MIEF1: variants seen among roughly 807,000 people sequenced by gnomAD.
The protein encoded by MIEF1 is mitochondrial elongation factor 1, also known as mitochondrial dynamics protein MIEF1.
MIEF1 carries 14 observed loss-of-function variants against 35.1 expected under a neutral mutation model. The observed-to-expected ratio is 0.40, with a 90% CI of 0.26 to 0.62. The LOEUF (loss-of-function observed/expected upper bound fraction) is 0.62. Ranked by LOEUF, MIEF1 falls within the 20% of genes least tolerant of loss-of-function variation. The pLI is 0.43. For missense variants in MIEF1, 542 were observed against 615.4 expected (o/e 0.88, Z 1.26); for synonymous variants, 245 against 254.3 (o/e 0.96, Z 0.35).
rs1252208875 is a variant in MIEF1 at position 39,512,385 on chromosome 22, A to G, written c.476A>G (p.Gln159Arg). Residue 159 changes from glutamine (Q) to arginine (R), a missense_variant, in exon 5 of 6, where the codon CAA (glutamine) becomes CGA (arginine). Coordinates refer to ENST00000325301, the MANE Select transcript of MIEF1 (RefSeq NM_019008.6). ...IPAGEQARAK[Q>R]AAVDICAELR... ...GCTGGAGAGCAGGCTCGGGCCAAGC[A>G]AGCTGCTGTGGACATATGTGCCGAG... is the stretch of plus-strand genomic sequence containing the variant. 3 of 1,614,114 alleles carry G rather than the reference A, an allele frequency of 1.9e-6. No individual in the cohort carries two copies. In the African/African-American group the frequency reaches 4.0e-5, roughly 22 times the overall value.
At position 39,504,365 on chromosome 22, in the gene MIEF1, AGAGGACGCTGAGGCCCGGGAGAGGC is replaced by A. The variant is rs918835270; in HGVS notation, c.-176_-152del. On this transcript the variant is annotated 5_prime_UTR_variant, in exon 2 of 6. The change abolishes the stop of an existing upstream ORF in the 5' untranslated region. Coordinates refer to ENST00000325301, the MANE Select transcript of MIEF1 (RefSeq NM_019008.6). Reference sequence around the variant, plus strand: ...GTGAATTCCGAAAAAATCAGAAGCTAGAGGACGCTGAGGCCCGGGAGAGGCAGCTGGAGAAGGGCCTGGTCTTTCT... The same window carrying A: ...GTGAATTCCGAAAAAATCAGAAGCTAAGCTGGAGAAGGGCCTGGTCTTTCT... 2.8e-5 allele frequency: 11 copies of A among 398,952 alleles called. No homozygotes were observed. Among genetic ancestry groups the A allele is most frequent in the African/African-American group, 2.3e-4 (11 of 48,608 alleles). 24.7% of individuals were successfully genotyped at this position (398,952 alleles called of 1,614,324 possible). A position where few individuals can be genotyped will look rare whatever the true frequency, so the allele number is the denominator to read the frequency against.
At chr22:39,505,153 C>T (rs1929951759) in intron 2 of MIEF1, among the ~76,000 whole-genome samples, 1 of 152,020 alleles carries the variant, frequency 6.6e-6, no homozygotes, top group South Asian at 2.1e-4. Context: ...AAGATCGCGC[C>T]ACTGCACTCC....
chr22:39,515,517 CCTG>C lies in MIEF1; in HGVS notation c.*1195_*1197del, dbSNP rs1230791883. On this transcript the variant is annotated 3_prime_UTR_variant, in exon 6 of 6. Coordinates refer to ENST00000325301, the MANE Select transcript of MIEF1 (RefSeq NM_019008.6). ...GCATGCACGGACCTCTTCCCCCTGT[CCTG>C]TTTCTCACCCAGCACCTGGGGAGAT... The C allele has an allele frequency of 1.7e-6, 1 of 604,884 alleles. No homozygotes were observed. 37.5% of individuals were successfully genotyped at this position (604,884 alleles called of 1,614,324 possible). A position where few individuals can be genotyped will look rare whatever the true frequency, so the allele number is the denominator to read the frequency against.
In MIEF1 at chr22:39,513,615, T is replaced by C. The variant is rs1418320490; in HGVS notation, c.684T>C (p.Pro228=). The part of the protein sequence containing the change: ...IPGEDTIMNV[P]GFFLVRRENP... Reference sequence around the variant, plus strand: ...GTGAAGACACCATCATGAATGTCCCTGGCTTCTTCCTGGTGCGTCGTGAGA... The same window carrying C: ...GTGAAGACACCATCATGAATGTCCCCGGCTTCTTCCTGGTGCGTCGTGAGA... Residue 228 remains proline, a synonymous_variant, in exon 6 of 6, where the codon CCT becomes CCC. Coordinates refer to ENST00000325301, the MANE Select transcript of MIEF1 (RefSeq NM_019008.6). 1 of 1,614,220 alleles carries C rather than the reference T, an allele frequency of 6.2e-7. No homozygotes were observed. Among genetic ancestry groups the C allele is most frequent in the African/African-American group, 1.3e-5 (1 of 75,060 alleles).
chr22:39,509,836 GTT>G (rs1457113441), intron 2 of MIEF1, among the ~76,000 whole-genome samples: 4 of 152,170 alleles, frequency 2.6e-5, no homozygotes, highest in Non-Finnish European at 5.9e-5. Context: ...GTTGTTTTGT[GTT>G]TTGTTTGCAG....
intron 2 of MIEF1, among the ~76,000 whole-genome samples, chr22:39,508,025 A>G (rs975126962): frequency 6.6e-6 from 1 of 152,160 alleles, no homozygotes; most frequent in African/African-American, 2.4e-5. Context: ...GTGGATGGAA[A>G]TCTTAAAAGA....
In MIEF1 at chr22:39,517,896, C is replaced by A; in HGVS notation, c.*3573C>A. 4.2e-6 allele frequency: 1 copy of A among 235,660 alleles called. No individual in the cohort carries two copies. Among genetic ancestry groups the A allele is most frequent in the Non-Finnish European group, 8.6e-6 (1 of 116,290 alleles). The allele number at this position is 235,660 out of a possible 1,614,324, so 14.6% of individuals were successfully genotyped here. ...TTGGTCCCTGAGGCCAAGTCCACAA[C>A]TTGCCTTCTAGTCACTTGCCTGCCC... On this transcript the variant is annotated 3_prime_UTR_variant, in exon 6 of 6. Transcript: ENST00000325301.
chr22:39,512,687 C>G (rs574099073), intron 5 of MIEF1, among the ~76,000 whole-genome samples, 193 bp downstream of exon 5: 1 of 152,124 alleles, frequency 6.6e-6, no homozygotes, highest in Non-Finnish European at 1.5e-5. Flanking sequence ...CACTCTGTCG[C>G]CCAGGCTGGA....
chr22:39,508,852 A>T (rs987627403), intron 2 of MIEF1, among the ~76,000 whole-genome samples: 1 of 152,236 alleles, frequency 6.6e-6, no homozygotes, highest in African/African-American at 2.4e-5. Flanking sequence ...AGTTAACTCA[A>T]TTACTGGAAT....
Position 39,504,458 on chromosome 22 carries a change from A to G in MIEF1, c.-84A>G, listed in dbSNP as rs117648581. 330 of 399,034 alleles carry G rather than the reference A, an allele frequency of 8.3e-4. 3 individuals are homozygous for G. In the East Asian group the frequency reaches 9.5e-3, roughly 12 times the overall value. The allele number at this position is 399,034 out of a possible 1,614,324, so 24.7% of individuals were successfully genotyped here. A position where few individuals can be genotyped will look rare whatever the true frequency, so the allele number is the denominator to read the frequency against. Reference sequence around the variant, plus strand: ...GGATCATTTAGGATCCTCCAAGGGAAAGAGGACAAAGGTGCCTTCTGTAGA... The same window carrying G: ...GGATCATTTAGGATCCTCCAAGGGAGAGAGGACAAAGGTGCCTTCTGTAGA... On this transcript the variant is annotated 5_prime_UTR_variant, in exon 2 of 6. Transcript: ENST00000325301.
intron 2 of MIEF1, among the ~76,000 whole-genome samples, chr22:39,509,005 T>A (rs1230124083): frequency 6.6e-6 from 1 of 152,190 alleles, no homozygotes; most frequent in African/African-American, 2.4e-5. Context: ...ATCCTTTTTT[T>A]TTTTTCTTCA....
rs768941796 is a variant in MIEF1, at chr22:39,512,432, A to G, written c.523A>G (p.Lys175Glu). ...CGAGCTCCGGAGCTTCCTGCGGGCC[A>G]AGTTGCCTGACATGCCGCTTCGGGA... ...CAELRSFLRA[K>E]LPDMPLRDMY... The change falls in exon 5 of 6, where the codon AAG (lysine) becomes GAG (glutamate). Residue 175 changes from lysine (K) to glutamate (E), a missense_variant. Transcript: ENST00000325301. 1.2e-6 allele frequency: 2 copies of G among 1,613,996 alleles called. No homozygotes were observed. Among genetic ancestry groups the G allele is most frequent in the Non-Finnish European group, 8.5e-7 (1 of 1,180,000 alleles).
At chr22:39,513,393 T>G in intron 5 of MIEF1, 124 bp from the exon 6 acceptor site, 1 of 1,030,620 alleles carries the variant, frequency 9.7e-7, no homozygotes, top group Non-Finnish European at 1.4e-6. Flanking sequence ...CATGGGCCAC[T>G]GCGCCCGGCC....
chr22:39,511,811 G>A, intron 3 of MIEF1, 38 bp from the exon 4 acceptor site: 1 of 1,571,362 alleles, frequency 6.4e-7, no homozygotes, highest in Non-Finnish European at 8.7e-7. Flanking sequence ...TAGGGAAAGA[G>A]GGCAGGTTTA....
intron 2 of MIEF1, among the ~76,000 whole-genome samples, chr22:39,506,938 A>G (rs1930045434): frequency 6.6e-6 from 1 of 152,222 alleles, no homozygotes; most frequent in Non-Finnish European, 1.5e-5. Flanking sequence ...ACAGAGCCCC[A>G]GAACCCTTTT....
rs1033562048 is a variant in MIEF1 at position 39,515,381 on chromosome 22, C to G, written c.*1058C>G. On this transcript the variant is annotated 3_prime_UTR_variant, in exon 6 of 6. Transcript: ENST00000325301. ...CAGGCCCTGCTTTTCTAGGATGTGG[C>G]CTTAGAGCAAGAACAGACCCAACAG... 1.4e-6 allele frequency: 1 copy of G among 714,878 alleles called. No individual in the cohort carries two copies. The highest frequency in any genetic ancestry group is 1.7e-5 in the African/African-American group (1 of 57,204). The allele number at this position is 714,878 out of a possible 1,614,324, so 44.3% of individuals were successfully genotyped here.
Position 39,513,385 on chromosome 22 carries a change from T to C in MIEF1, c.586-132T>C, listed in dbSNP as rs980268163. The C allele has an allele frequency of 6.5e-6, 6 of 925,300 alleles. No individual in the cohort carries two copies. In the African/African-American group the frequency reaches 6.6e-5, roughly 10 times the overall value. The allele number at this position is 925,300 out of a possible 1,614,324, so 57.3% of individuals were successfully genotyped here. On this transcript the variant is annotated intron_variant, in intron 5 of 5. Coordinates refer to ENST00000325301, the MANE Select transcript of MIEF1 (RefSeq NM_019008.6). ...TCCCACAGTGCTGAGATTACAGGCA[T>C]GGGCCACTGCGCCCGGCCTAGAGTT...
Position 39,513,600 on chromosome 22 carries a change from C to T in MIEF1, c.669C>T (p.Thr223=). The T allele has an allele frequency of 1.2e-6, 2 of 1,614,178 alleles. No individual in the cohort carries two copies. The highest frequency in any genetic ancestry group is 8.5e-7 in the Non-Finnish European group (1 of 1,180,028). ...NLWSCIPGED[T]IMNVPGFFLV... ...GGTCATGTATTCCTGGTGAAGACAC[C>T]ATCATGAATGTCCCTGGCTTCTTCC... The change falls in exon 6 of 6, where the codon ACC becomes ACT. Residue 223 remains threonine (T), a synonymous_variant. Transcript: ENST00000325301.
rs767850819 is a variant in MIEF1 at position 39,512,000 on chromosome 22, C to T, written c.296C>T (p.Pro99Leu). The change falls in exon 4 of 6, where the codon CCC becomes CTC. Residue 99 changes from proline (P) to leucine (L), a missense_variant. Coordinates refer to ENST00000325301, the MANE Select transcript of MIEF1 (RefSeq NM_019008.6). ...TGLSRSLQTL[P>L]TDSSTFDTDT... ...CTGAGCCGGTCCTTGCAGACCCTTC[C>T]CACAGACTCCTCCACCTTCGACACA... is the stretch of plus-strand genomic sequence containing the variant. The T allele has an allele frequency of 5.0e-6, 8 of 1,613,692 alleles. No individual in the cohort carries two copies. In the Admixed American group the frequency reaches 1.2e-4, roughly 24 times the overall value.
Sources: allele counts gnomAD v4.1 joint callset (sites outside exome capture counted in the v4.1 genomes callset), GRCh38; gene constraint gnomAD v4.1.1; transcripts MANE v1.5; gene names NCBI Gene and HGNC (gene_info 2026-07-23, HGNC 2026-07-21).